EDDM13: variants seen among roughly 807,000 people sequenced by gnomAD.
EDDM13 encodes the protein epididymal protein 13.
In EDDM13, 24 loss-of-function variants were observed where a neutral mutation model predicts 17.8. The ratio of observed to expected loss-of-function variants is 1.35; its 90% CI spans 0.98 to 1.90. EDDM13 has a LOEUF of 1.90. Ranked by LOEUF, EDDM13 falls within the 40% of genes most tolerant of loss-of-function variation. EDDM13 has a pLI of 0.00. For synonymous variants in EDDM13, 31 were observed against 37.5 expected, an observed-to-expected ratio of 0.83 and a Z score of 0.63; for missense variants, 97 against 100.8, an observed-to-expected ratio of 0.96 and a Z score of 0.16.
rs539468122 is a variant in EDDM13 at position 56,285,017 on chromosome 19, A to G, written c.147A>G (p.Ser49=). Residue 49 remains serine (S), a synonymous_variant, in exon 6 of 15, where the codon TCA becomes TCG. Coordinates refer to ENST00000649256, the MANE Select transcript of EDDM13 (RefSeq NM_001354658.2). ...CCTCAGGTCTCATGAGCAGACTGTC[A>G]CCGGATGGTAAGTGTCAGGATTGTA... The part of the protein sequence containing the change: ...KGIIGLMSRL[S]PDGLRHNITS... 3.0e-6 allele frequency: 3 copies of G among 985,368 alleles called. No homozygotes were observed. The Admixed American group carries it at 1.8e-4, about 60-fold the overall frequency. 61.0% of individuals were successfully genotyped at this position (985,368 alleles called of 1,614,324 possible).
At chr19:56,274,006 TAGA>T (rs1290137399) in intron 1 of EDDM13, among the ~76,000 whole-genome samples, 2 of 151,932 alleles carry the variant, frequency 1.3e-5, no homozygotes, top group Non-Finnish European at 2.9e-5. Context: ...TGGGGATAAG[TAGA>T]AGGTTACGAG....
At chr19:56,274,534 TG>T in intron 1 of EDDM13, 1 of 152,068 alleles carries the variant, frequency 6.6e-6, no homozygotes, top group Non-Finnish European at 1.5e-5. Context: ...ATTTTAGACT[TG>T]AGGAAAAGTC....
chr19:56,294,102 C>A (rs889983176), intron 9 of EDDM13, among the ~76,000 whole-genome samples: 3 of 152,206 alleles, frequency 2.0e-5, no homozygotes, highest in Non-Finnish European at 4.4e-5. Context: ...TGAAAGCAGA[C>A]CCAGCAGGAA....
At chr19:56,276,726 G>A (rs1331307668) in intron 2 of EDDM13, among the ~76,000 whole-genome samples, 3 of 151,570 alleles carry the variant, frequency 2.0e-5, no homozygotes, top group African/African-American at 7.3e-5. Flanking sequence ...CAGTATAGAC[G>A]GGGTTTCACC....
chr19:56,303,386 G>A (rs1040746404), intron 13 of EDDM13, among the ~76,000 whole-genome samples: 4 of 151,968 alleles, frequency 2.6e-5, no homozygotes, highest in African/African-American at 4.8e-5. Flanking sequence ...GCTGAGGCAG[G>A]AGAATCACTT....
intron 11 of EDDM13, among the ~76,000 whole-genome samples, chr19:56,297,111 T>C (rs2039926806): frequency 6.6e-6 from 1 of 151,038 alleles, no homozygotes; most frequent in Middle Eastern, 3.4e-3. Context: ...GAACATGACA[T>C]GTGAGCAAAG....
intron 13 of EDDM13, among the ~76,000 whole-genome samples, chr19:56,303,451 G>C (rs1468142580): frequency 1.4e-5 from 2 of 146,406 alleles, no homozygotes; most frequent in African/African-American, 5.0e-5. Context: ...CTGGGTGACA[G>C]AGTGAGACTC....
At chr19:56,286,052 C>T (rs1325729941) in intron 6 of EDDM13, among the ~76,000 whole-genome samples, 1 of 152,260 alleles carries the variant, frequency 6.6e-6, no homozygotes, top group Admixed American at 6.5e-5. Flanking sequence ...GACGGAGTCT[C>T]GCTCTGTTGC....
At chr19:56,285,239 G>GT (rs535375628) in intron 6 of EDDM13, among the ~76,000 whole-genome samples, 1 of 152,186 alleles carries the variant, frequency 6.6e-6, no homozygotes, top group Non-Finnish European at 1.5e-5. Context: ...ATGCTGTGGA[G>GT]TTTTTTAAGT....
intron 4 of EDDM13, chr19:56,283,698 T>G (rs2038886498): frequency 6.6e-6 from 1 of 152,226 alleles, no homozygotes; most frequent in African/African-American, 2.4e-5. Flanking sequence ...GATCTGAGTT[T>G]GAGTTCCTGC....
rs531682180 is a variant in EDDM13 at position 56,292,321 on chromosome 19, T to C, written c.232+1475T>C. The stretch of plus-strand genomic sequence containing the variant: ...TTTTTAGAGACAGGATCTTGCTCTG[T>C]TGTCCAGGCTGGAGCACAGTGGTGC... On this transcript the variant is annotated intron_variant, in intron 9 of 14. Transcript: ENST00000649256. 3.9e-5 allele frequency among the ~76,000 whole-genome samples: 6 copies of C among 152,322 alleles called. No individual in the cohort carries two copies. In the East Asian group the frequency reaches 1.2e-3, roughly 29 times the overall value.
rs1025928461 is a variant in EDDM13, at chr19:56,288,442, A to C, written c.208+4A>C. ...CCTCCCCTGGTGTCCCCGCAAGGTT[A>C]GCAACCATCACCCCCTTATAGGTTC... On this transcript the variant is annotated splice_donor_region_variant and intron_variant, in intron 7 of 14. Coordinates refer to ENST00000649256, the MANE Select transcript of EDDM13 (RefSeq NM_001354658.2). 6.6e-6 allele frequency among the ~76,000 whole-genome samples: 1 copy of C among 152,156 alleles called. No individual in the cohort carries two copies. The highest frequency in any genetic ancestry group is 2.4e-5 in the African/African-American group (1 of 41,434).
At chr19:56,299,313 T>G (rs1304604665) in intron 12 of EDDM13, among the ~76,000 whole-genome samples, 1 of 151,974 alleles carries the variant, frequency 6.6e-6, no homozygotes, top group Non-Finnish European at 1.5e-5. Flanking sequence ...TTAAATTTTT[T>G]GTAGAGTTTG....
At chr19:56,303,085 C>T (rs1427484153) in intron 13 of EDDM13, 1 of 390,416 alleles carries the variant, frequency 2.6e-6, no homozygotes, top group Non-Finnish European at 4.5e-6. Context: ...GGGTTAAGGA[C>T]AGAATGGAAT....
chr19:56,302,532 CTT>C (rs1381895714), intron 13 of EDDM13, among the ~76,000 whole-genome samples: 2 of 26,678 alleles, frequency 7.5e-5, no homozygotes, highest in East Asian at 4.6e-4. Context: ...CTCCCTCCCT[CTT>C]CTTCCTCCCC....
intron 2 of EDDM13, among the ~76,000 whole-genome samples, chr19:56,279,430 AG>A (rs1253131322): frequency 6.6e-6 from 1 of 152,256 alleles, no homozygotes; most frequent in African/African-American, 2.4e-5. Flanking sequence ...CAAAATGGAA[AG>A]GACTGTGAGA....
chr19:56,292,987 T>C (rs2039619507), intron 9 of EDDM13, among the ~76,000 whole-genome samples: 1 of 152,160 alleles, frequency 6.6e-6, no homozygotes, highest in African/African-American at 2.4e-5. Flanking sequence ...TTGGGTTGAT[T>C]CTACCTTTCG....
At chr19:56,304,246 T>C (rs1040339405) in intron 13 of EDDM13, among the ~76,000 whole-genome samples, 1 of 152,176 alleles carries the variant, frequency 6.6e-6, no homozygotes, top group African/African-American at 2.4e-5. Flanking sequence ...CTAAAGGAAC[T>C]GCTTATGCGC....
chr19:56,303,495 A>AGAAGGAAAG lies in EDDM13; in HGVS notation c.424-1286_424-1278dup, dbSNP rs375036911. Among the ~76,000 whole-genome samples, 6 of 145,774 alleles carry AGAAGGAAAG rather than the reference A, an allele frequency of 4.1e-5. No homozygotes were observed. The South Asian group carries it at 7.3e-4, about 18-fold the overall frequency. On this transcript the variant is annotated intron_variant, in intron 13 of 14. Transcript: ENST00000649256. ...AAAATTAAAGTAAATAGAAAAAAAA[A>AGAAGGAAAG]GAAGGAAAGGAAGGAAAGGAGGGAG...
Sources: allele counts gnomAD v4.1 joint callset (sites outside exome capture counted in the v4.1 genomes callset), GRCh38; gene constraint gnomAD v4.1.1; transcripts MANE v1.5; gene names NCBI Gene and HGNC (gene_info 2026-07-23, HGNC 2026-07-21).